The following STK3 variants were observed in gnomAD, a reference collection of about 807,000 sequenced individuals.
STK3 encodes the protein serine/threonine-protein kinase 3.
A neutral mutation model predicts 58.0 loss-of-function variants in STK3; 41 were observed. The observed-to-expected ratio is 0.71, with a 90% CI of 0.55 to 0.92. STK3 has a LOEUF of 0.92. Among genes scored for constraint, STK3 ranks in the 40% least tolerant of loss-of-function variants. The probability of loss-of-function intolerance (pLI) is 0.00; values close to 1 mark genes in which losing one functional copy is unlikely to be tolerated. For missense variants in STK3, 479 were observed against 602.7 expected, an observed-to-expected ratio of 0.79 and a Z score of 2.15; for synonymous variants, 170 against 191.0, an observed-to-expected ratio of 0.89 and a Z score of 0.91.
chr8:98,706,553 A>T lies in STK3; in HGVS notation c.598T>A (p.Cys200Ser), dbSNP rs1182372085. The T allele has an allele frequency of 2.5e-6, 4 of 1,613,760 alleles. No individual in the cohort carries two copies. In the African/African-American group the frequency reaches 4.0e-5, roughly 16 times the overall value. The change falls in exon 6 of 11, where the codon TGT becomes AGT. Residue 200 changes from cysteine (C) to serine (S), a missense_variant. Coordinates refer to ENST00000419617, the MANE Select transcript of STK3 (RefSeq NM_006281.4). ...CCAAGGGACCAGATGTCGGCCACAC[A>T]GTTATAGCCTATTTCTTGAATCACC... ...PEVIQEIGYN[C>S]VADIWSLGIT... is the part of the protein sequence containing the mutation.
intron 3 of STK3, among the ~76,000 whole-genome samples, chr8:98,757,870 A>G (rs1195813304): frequency 6.6e-6 from 1 of 152,240 alleles, no homozygotes; most frequent in Non-Finnish European, 1.5e-5. Flanking sequence ...AGGAAATAAT[A>G]CAATCAAACT....
intron 10 of STK3, among the ~76,000 whole-genome samples, chr8:98,468,794 A>G (rs758969611): frequency 2.0e-5 from 3 of 152,222 alleles, no homozygotes; most frequent in African/African-American, 4.8e-5. Context: ...AGACTGCGCA[A>G]CTAATATGCA....
At chr8:98,598,629 C>A in intron 6 of STK3, 1 of 985,256 alleles carries the variant, frequency 1.0e-6, no homozygotes, top group South Asian at 4.7e-5. Context: ...AGGTATTAGG[C>A]CCCTTCTATA....
At chr8:98,416,025 G>A (rs950661750) in intron 3 of STK3, among the ~76,000 whole-genome samples, 112 of 152,146 alleles carry the variant, frequency 7.4e-4, no homozygotes, top group African/African-American at 2.5e-3. Flanking sequence ...TTGGCCTTGG[G>A]GCACCATCAT....
At chr8:98,865,138 C>T (rs1837087340) in intron 3 of STK3, among the ~76,000 whole-genome samples, 1 of 152,152 alleles carries the variant, frequency 6.6e-6, no homozygotes, top group Admixed American at 6.5e-5. Context: ...CACCTGTAAT[C>T]CCAGTGCTTT....
chr8:98,808,400 C>A (rs1462202565), intron 1 of STK3, among the ~76,000 whole-genome samples: 1 of 152,156 alleles, frequency 6.6e-6, no homozygotes, highest in Admixed American at 6.5e-5. Flanking sequence ...TCTTTATTTT[C>A]TCTGTTTCCA....
chr8:98,498,898 AC>A (rs1051854365), intron 10 of STK3, among the ~76,000 whole-genome samples: 1 of 152,156 alleles, frequency 6.6e-6, no homozygotes, highest in African/African-American at 2.4e-5. Context: ...CCCTTGAGAT[AC>A]CATGTCCTAA....
At chr8:98,535,705 C>T (rs574749159) in intron 9 of STK3, among the ~76,000 whole-genome samples, 44 of 152,264 alleles carry the variant, frequency 2.9e-4, no homozygotes, top group African/African-American at 1.0e-3. Context: ...CAGAAACTAA[C>T]ATTTATAGAG....
intron 7 of STK3, among the ~76,000 whole-genome samples, chr8:98,586,917 T>G (rs975259056): frequency 6.8e-6 from 1 of 146,898 alleles, no homozygotes; most frequent in African/African-American, 2.6e-5. Context: ...GATGGTAGTT[T>G]GTATTTCTGT....
At chr8:98,858,697 T>C (rs1186267380) in intron 3 of STK3, among the ~76,000 whole-genome samples, 1 of 151,666 alleles carries the variant, frequency 6.6e-6, no homozygotes, top group Non-Finnish European at 1.5e-5. Context: ...ATCAAGACCA[T>C]CCTGGCCAAC....
chr8:98,566,058 C>T (rs150142846), intron 8 of STK3, among the ~76,000 whole-genome samples: 30 of 152,228 alleles, frequency 2.0e-4, no homozygotes, highest in African/African-American at 7.2e-4. Flanking sequence ...GAAATCTGTA[C>T]AATTACCTCA....
chr8:98,513,653 T>C (rs1415800045), intron 10 of STK3, among the ~76,000 whole-genome samples: 2 of 152,162 alleles, frequency 1.3e-5, no homozygotes, highest in Admixed American at 6.5e-5. Context: ...GCAGACCTAA[T>C]AGGGCCACAG....
chr8:98,389,719 G>A (rs1348943588), upstream of STK3, among the ~76,000 whole-genome samples: 1 of 150,148 alleles, frequency 6.7e-6, no homozygotes, highest in Non-Finnish European at 1.5e-5. Context: ...AAGAGTCCTA[G>A]AGAACTCTGA....
At chr8:98,699,823 C>T (rs1293172374) in intron 6 of STK3, among the ~76,000 whole-genome samples, 2 of 152,212 alleles carry the variant, frequency 1.3e-5, no homozygotes, top group African/African-American at 2.4e-5. Flanking sequence ...GTCAGGGACC[C>T]ACTTGAGGAG....
At chr8:98,523,727 A>C (rs1825550766) in intron 10 of STK3, among the ~76,000 whole-genome samples, 1 of 151,618 alleles carries the variant, frequency 6.6e-6, no homozygotes, top group Admixed American at 6.6e-5. Context: ...GTTGCTGTTG[A>C]GTTGTAGGAG....
chr8:98,657,067 T>G (rs1054660650), intron 6 of STK3, among the ~76,000 whole-genome samples: 1 of 151,954 alleles, frequency 6.6e-6, no homozygotes, highest in African/African-American at 2.4e-5. Flanking sequence ...AATAAGCACA[T>G]AAATGAATCA....
intron 3 of STK3, among the ~76,000 whole-genome samples, chr8:98,832,160 C>T (rs542269487): frequency 1.1e-4 from 17 of 151,128 alleles, no homozygotes; most frequent in Admixed American, 9.9e-4. Context: ...TGTCAGAAAC[C>T]GGAAGCAGGC....
chr8:98,589,233 C>G (rs954291805), intron 7 of STK3, among the ~76,000 whole-genome samples: 1 of 152,158 alleles, frequency 6.6e-6, no homozygotes, highest in African/African-American at 2.4e-5. Context: ...GTGGTTTTAT[C>G]TACTTTTGGT....
rs551358983 is a variant in STK3 at position 98,781,281 on chromosome 8, G to A, written c.27-6462C>T. 2.0e-5 allele frequency among the ~76,000 whole-genome samples: 3 copies of A among 152,270 alleles called. No individual in the cohort carries two copies. In the East Asian group the frequency reaches 5.8e-4, roughly 29 times the overall value. Reference sequence around the variant, plus strand: ...GTTGAAGAAATAGAGCTTAGAGTTTGGTGAGGAATCAAGGCAAATGGAAAT... The same window carrying A: ...GTTGAAGAAATAGAGCTTAGAGTTTAGTGAGGAATCAAGGCAAATGGAAAT... On this transcript the variant is annotated intron_variant, in intron 1 of 10. Transcript: ENST00000419617.
Sources: allele counts gnomAD v4.1 joint callset (sites outside exome capture counted in the v4.1 genomes callset), GRCh38; gene constraint gnomAD v4.1.1; transcripts MANE v1.5; gene names NCBI Gene and HGNC (gene_info 2026-07-23, HGNC 2026-07-21).